Variants in CPNE8 observed in about 807,000 individuals in gnomAD.
The protein encoded by CPNE8 is copine 8.
In CPNE8, 45 loss-of-function variants were observed where a neutral mutation model predicts 81.5. The observed-to-expected ratio is 0.55, with a 90% confidence interval of 0.44 to 0.71. The LOEUF is 0.71. Among genes scored for constraint, CPNE8 ranks in the 30% least tolerant of loss-of-function variants. The pLI is 0.00. For synonymous variants in CPNE8, 252 were observed against 226.3 expected, an observed-to-expected ratio of 1.11 and a Z score of -1.02; for missense variants, 594 against 672.1, an observed-to-expected ratio of 0.88 and a Z score of 1.28.
At chr12:38,660,359 T>C (rs1938925627) in intron 19 of CPNE8, among the ~76,000 whole-genome samples, 1 of 151,384 alleles carries the variant, frequency 6.6e-6, no homozygotes, top group Non-Finnish European at 1.5e-5. Context: ...AAACAAGCAA[T>C]GGGGAAAGGA....
chr12:38,702,880 G>C lies in CPNE8; in HGVS notation c.956C>G (p.Ser319Ter). 6.4e-7 allele frequency: 1 copy of C among 1,555,456 alleles called. No individual in the cohort carries two copies. The highest frequency in any genetic ancestry group is 8.7e-7 in the Non-Finnish European group (1 of 1,146,442). ...GGGATAATCAAAACACTCACCGTTTGATGCTGTAAAATCAATAGCCACTGT... is the reference window on the plus strand; with the variant it reads ...GGGATAATCAAAACACTCACCGTTTCATGCTGTAAAATCAATAGCCACTGT... ...NFTVAIDFTA[S>*]NGNPAQPTSL... is the part of the protein sequence containing the mutation. The change falls in exon 14 of 20, where the codon TCA (serine) becomes TGA (stop). Residue 319 changes from serine to a stop codon, truncating the protein, a stop_gained. Coordinates refer to ENST00000331366, the MANE Select transcript of CPNE8 (RefSeq NM_153634.3). LOFTEE classifies it high-confidence loss of function.
chr12:38,671,280 C>T (rs984404320), intron 18 of CPNE8, among the ~76,000 whole-genome samples: 1 of 151,890 alleles, frequency 6.6e-6, no homozygotes, highest in African/African-American at 2.4e-5. Context: ...CATACACATA[C>T]ACACACACAC....
chr12:38,716,563 G>A (rs1170768705), intron 13 of CPNE8, among the ~76,000 whole-genome samples: 1 of 152,034 alleles, frequency 6.6e-6, no homozygotes, highest in Non-Finnish European at 1.5e-5. Flanking sequence ...TTCAATAAAT[G>A]ATACTGGGAA....
At chr12:38,811,330 A>G (rs1298673617) in intron 6 of CPNE8, among the ~76,000 whole-genome samples, 2 of 152,180 alleles carry the variant, frequency 1.3e-5, no homozygotes, top group African/African-American at 4.8e-5. Flanking sequence ...ACTAAACTAC[A>G]ACAAAAAAAG....
chr12:38,688,247 AG>A (rs1171324292), intron 15 of CPNE8, among the ~76,000 whole-genome samples: 1 of 152,190 alleles, frequency 6.6e-6, no homozygotes, highest in Non-Finnish European at 1.5e-5. Flanking sequence ...GAGAATGGAA[AG>A]GTAATCATTA....
chr12:38,780,059 T>A (rs1183370938), intron 6 of CPNE8, among the ~76,000 whole-genome samples: 1 of 152,102 alleles, frequency 6.6e-6, no homozygotes, highest in Non-Finnish European at 1.5e-5. Context: ...TATGTTTAGG[T>A]CTTTTACCCA....
At chr12:38,735,609 C>A (rs1172153368) in intron 10 of CPNE8, among the ~76,000 whole-genome samples, 1 of 152,040 alleles carries the variant, frequency 6.6e-6, no homozygotes, top group Non-Finnish European at 1.5e-5. Context: ...ACATCAACAA[C>A]CTTCACTGAT....
At chr12:38,803,294 A>G (rs1472058399) in intron 6 of CPNE8, among the ~76,000 whole-genome samples, 1 of 53,796 alleles carries the variant, frequency 1.9e-5, no homozygotes, top group Non-Finnish European at 5.1e-5. Flanking sequence ...CAGCACATCA[A>G]AAAGGTTATC....
chr12:38,850,980 G>T (rs1943636234), intron 3 of CPNE8, among the ~76,000 whole-genome samples: 1 of 152,130 alleles, frequency 6.6e-6, no homozygotes, highest in African/African-American at 2.4e-5. Flanking sequence ...CTCATGAATG[G>T]CAGGAAGGCC....
At chr12:38,701,675 G>C (rs972770129) in intron 14 of CPNE8, among the ~76,000 whole-genome samples, 1 of 151,896 alleles carries the variant, frequency 6.6e-6, no homozygotes, top group South Asian at 2.1e-4. Flanking sequence ...TGCATTTTTA[G>C]TAGAGATGGG....
At chr12:38,719,769 G>A (rs1592035973) in intron 13 of CPNE8, among the ~76,000 whole-genome samples, 1 of 151,936 alleles carries the variant, frequency 6.6e-6, no homozygotes, top group South Asian at 2.1e-4. Flanking sequence ...ACATTATATT[G>A]TGGTGAATAA....
At chr12:38,677,312 T>C (rs1159476915) in intron 17 of CPNE8, 140 bp downstream of exon 17, 2 of 575,176 alleles carry the variant, frequency 3.5e-6, no homozygotes, top group Admixed American at 2.9e-5. Flanking sequence ...ATATGAGTTG[T>C]CTGGATAAGG....
At chr12:38,717,401 ACCAACAAGTAAACAAAGAAAGTGTGGTG>A (rs1940422457) in intron 13 of CPNE8, among the ~76,000 whole-genome samples, 1 of 140,628 alleles carries the variant, frequency 7.1e-6, no homozygotes, top group Admixed American at 7.3e-5. Flanking sequence ...GTGCCCATCG[ACCAACAAGTAAACAAAGAAAGTGTGGTG>A]TATATATATA....
intron 6 of CPNE8, among the ~76,000 whole-genome samples, chr12:38,786,584 T>C (rs372290053): frequency 4.9e-4 from 75 of 152,182 alleles, no homozygotes; most frequent in African/African-American, 1.7e-3. Flanking sequence ...TTTGTGATCG[T>C]GTGAGTTATT....
chr12:38,878,419 C>G (rs771360559), intron 1 of CPNE8, among the ~76,000 whole-genome samples: 14 of 152,134 alleles, frequency 9.2e-5, no homozygotes, highest in Admixed American at 2.6e-4. Context: ...CCAAAACCAT[C>G]CAAGATAAAG....
Position 38,652,393 on chromosome 12 carries a change from C to A in CPNE8, c.*1489G>T, listed in dbSNP as rs1938719394. ...AAGATTTTAATACATAATTAAAAATCAACAATTATTACATAGTTATATAAC... is the reference window on the plus strand; with the variant it reads ...AAGATTTTAATACATAATTAAAAATAAACAATTATTACATAGTTATATAAC... On this transcript the variant is annotated 3_prime_UTR_variant, in exon 20 of 20. Transcript: ENST00000331366. 6.6e-6 allele frequency: 1 copy of A among 152,354 alleles called. No individual in the cohort carries two copies. Among genetic ancestry groups the A allele is most frequent in the South Asian group, 2.1e-4 (1 of 4,820 alleles). The allele number at this position is 152,354 out of a possible 1,614,324, so 9.4% of individuals were successfully genotyped here.
At chr12:38,725,046 G>T in intron 11 of CPNE8, 147 bp from the exon 12 acceptor site, 3 of 732,954 alleles carry the variant, frequency 4.1e-6, no homozygotes. Context: ...ACTTTGGACA[G>T]TCATTCAGTC....
intron 14 of CPNE8, among the ~76,000 whole-genome samples, chr12:38,700,557 T>A (rs544470219): frequency 3.9e-5 from 6 of 152,032 alleles, no homozygotes; most frequent in Admixed American, 3.3e-4. Context: ...GTTTGTGGAG[T>A]GTTTTCAACA....
intron 3 of CPNE8, among the ~76,000 whole-genome samples, chr12:38,858,902 A>C (rs1271541219): frequency 6.6e-6 from 1 of 152,252 alleles, no homozygotes; most frequent in Non-Finnish European, 1.5e-5. Flanking sequence ...AGCACTGGAC[A>C]AAATTCTACA....
Sources: gnomAD v4.1 joint callset for allele counts (sites outside exome capture counted in the v4.1 genomes callset) on GRCh38, gnomAD v4.1.1 for gene constraint, MANE v1.5 for transcripts, NCBI Gene and HGNC (gene_info 2026-07-23, HGNC 2026-07-21) for gene names.